The following NCOA6 variants were observed in gnomAD, a reference collection of about 807,000 sequenced individuals.
NCOA6 encodes the protein NRC RAP250.
NCOA6 carries 49 observed loss-of-function variants against 171.4 expected under a neutral mutation model. The ratio of observed to expected loss-of-function variants is 0.29; its 90% CI spans 0.23 to 0.36. NCOA6 has a LOEUF of 0.36. Among genes scored for constraint, NCOA6 ranks in the 10% least tolerant of loss-of-function variants. NCOA6 has a pLI of 1.00. For missense variants in NCOA6, 2,248 were observed against 2,554.5 expected, an observed-to-expected ratio of 0.88 and a Z score of 2.59; for synonymous variants, 910 against 927.5, an observed-to-expected ratio of 0.98 and a Z score of 0.34.
intron 2 of NCOA6, among the ~76,000 whole-genome samples, chr20:34,783,499 C>G (rs1179026608): frequency 6.6e-6 from 1 of 151,910 alleles, no homozygotes; most frequent in Non-Finnish European, 1.5e-5. Context: ...ATACTTAACC[C>G]AAAAGTAAAT....
rs1347669282 is a variant in NCOA6, at chr20:34,727,313, T to C, written c.6094A>G (p.Asn2032Asp). 3 of 1,614,164 alleles carry C rather than the reference T, an allele frequency of 1.9e-6. No homozygotes were observed. Among genetic ancestry groups the C allele is most frequent in the Admixed American group, 1.7e-5 (1 of 60,014 alleles). Residue 2032 changes from asparagine to aspartate, a missense_variant, in exon 14 of 15, where the codon AAT (asparagine) becomes GAT (aspartate). By Grantham distance (23) the Asn-to-Asp change is conservative. Transcript: ENST00000359003. ...CGAGAAGATCGTTTACGATGTCCAT[T>C]TTCCACACTTTCAGAGGCCACAGTT... Reference protein sequence around the residue: ...EPTVASESVENGHRKRSSRPA... With the variant: ...EPTVASESVEDGHRKRSSRPA...
At chr20:34,820,883 A>C (rs1243964821) in intron 1 of NCOA6, 3 of 152,248 alleles carry the variant, frequency 2.0e-5, no homozygotes, top group Non-Finnish European at 4.4e-5. Flanking sequence ...CTTTTGTAAA[A>C]GACAACCCAA....
At chr20:34,723,895 T>G (rs1455891032) in intron 14 of NCOA6, among the ~76,000 whole-genome samples, 5 of 152,174 alleles carry the variant, frequency 3.3e-5, no homozygotes, top group Admixed American at 2.0e-4. Flanking sequence ...ATCTGGTGTG[T>G]GACATCTCTA....
intron 4 of NCOA6, among the ~76,000 whole-genome samples, chr20:34,774,867 G>A (rs903889450): frequency 6.6e-6 from 1 of 152,178 alleles, no homozygotes; most frequent in Admixed American, 6.5e-5. Context: ...TATAGTCTAT[G>A]GGGATAAAAC....
Position 34,785,203 on chromosome 20 carries a change from T to C in NCOA6, c.-49-2799A>G, listed in dbSNP as rs543015901. The stretch of plus-strand genomic sequence containing the variant: ...AAAATTCTTCTGTTATAAGTAAATA[T>C]GGCAAAAATACTTCCAAATTTGAGC... On this transcript the variant is annotated intron_variant, in intron 2 of 14. Coordinates refer to ENST00000359003, the MANE Select transcript of NCOA6 (RefSeq NM_014071.5). Among the ~76,000 whole-genome samples, 8 of 152,248 alleles carry C rather than the reference T, an allele frequency of 5.3e-5. 1 individual carries two copies. The highest frequency in any genetic ancestry group is 5.2e-4 in the Admixed American group (8 of 15,298).
intron 14 of NCOA6, among the ~76,000 whole-genome samples, chr20:34,719,609 C>T (rs1465721756): frequency 2.7e-5 from 4 of 148,778 alleles, no homozygotes; most frequent in Non-Finnish European, 5.9e-5. Flanking sequence ...CCAGCCTGGG[C>T]GACAATCCGA....
At chr20:34,798,018 CTTTT>C (rs2078137689) in intron 1 of NCOA6, among the ~76,000 whole-genome samples, 1 of 152,046 alleles carries the variant, frequency 6.6e-6, no homozygotes, top group South Asian at 2.1e-4. Flanking sequence ...ATTCTTTTTT[CTTTT>C]GTTTCCTCTG....
chr20:34,761,392 T>C (rs1051534036), intron 5 of NCOA6, among the ~76,000 whole-genome samples: 3 of 152,168 alleles, frequency 2.0e-5, no homozygotes, highest in Non-Finnish European at 2.9e-5. Flanking sequence ...TTGTCTAATT[T>C]CCATCAGGAT....
rs778712600 is a variant in NCOA6 at position 34,743,082 on chromosome 20, C to T, written c.3174G>A (p.Arg1058=). The change falls in exon 11 of 15, where the codon AGG becomes AGA. Residue 1058 remains arginine (R), a synonymous_variant. Transcript: ENST00000359003. ...LPVSQNVHPP[R]GPLNPDSQRM... is the part of the protein sequence containing the mutation. ...TCTGGGAGTCGGGGTTCAGGGGGCC[C>T]CTTGGAGGATGGACATTTTGAGAGA... 1.2e-6 allele frequency: 2 copies of T among 1,613,378 alleles called. No individual in the cohort carries two copies. The highest frequency in any genetic ancestry group is 2.2e-5 in the South Asian group (2 of 90,990).
At chr20:34,766,559 A>T (rs1348384045) in intron 5 of NCOA6, among the ~76,000 whole-genome samples, 1 of 152,176 alleles carries the variant, frequency 6.6e-6, no homozygotes, top group East Asian at 1.9e-4. Context: ...CCTGTCTCAA[A>T]AAAAAAGCAC....
At chr20:34,725,818 T>C (rs183263102) in intron 14 of NCOA6, among the ~76,000 whole-genome samples, 1 of 151,922 alleles carries the variant, frequency 6.6e-6, no homozygotes, top group Non-Finnish European at 1.5e-5. Context: ...AATCACAAGT[T>C]TGGTTTTAGA....
intron 11 of NCOA6, 58 bp downstream of exon 11, chr20:34,740,305 G>T (rs1467206294): frequency 6.5e-7 from 1 of 1,543,646 alleles, no homozygotes; most frequent in African/African-American, 1.4e-5. Context: ...GCTTTCTCTT[G>T]TGGGATTAGG....
chr20:34,757,147 T>C, intron 7 of NCOA6, 73 bp downstream of exon 7: 1 of 1,429,104 alleles, frequency 7.0e-7, no homozygotes, highest in Non-Finnish European at 9.4e-7. Flanking sequence ...CTCCATTAAC[T>C]CTAAAAACTG....
intron 1 of NCOA6, chr20:34,820,028 C>A (rs1030952424): frequency 6.6e-6 from 1 of 152,284 alleles, no homozygotes; most frequent in African/African-American, 2.4e-5. Context: ...CGACCTTACA[C>A]TACACATAAG....
chr20:34,805,685 CT>C (rs896675332), intron 1 of NCOA6, among the ~76,000 whole-genome samples: 286 of 141,026 alleles, frequency 2.0e-3, no homozygotes, highest in Middle Eastern at 3.7e-3. Flanking sequence ...CTCTTCTTAG[CT>C]TTTTTTTTTT....
At chr20:34,732,707 A>C (rs1347085245) in intron 12 of NCOA6, 112 bp from the exon 13 acceptor site, 2 of 846,176 alleles carry the variant, frequency 2.4e-6, no homozygotes, top group African/African-American at 3.4e-5. Context: ...CCCTGTGCCC[A>C]GCAGGATTCT....
rs1287475391 is a variant in NCOA6 at position 34,758,157 on chromosome 20, T to TA, written c.644-54dup. ...AATTAACCTACTGCAATCTAGATCTTAGAGAAGTGGCCTTTGTAATTCTGG... is the reference window on the plus strand; with the variant it reads ...AATTAACCTACTGCAATCTAGATCTTAAGAGAAGTGGCCTTTGTAATTCTGG... On this transcript the variant is annotated intron_variant, in intron 6 of 14. Transcript: ENST00000359003. 14 of 1,543,894 alleles carry TA rather than the reference T, an allele frequency of 9.1e-6. No homozygotes were observed. In the Middle Eastern group the frequency reaches 6.0e-4, roughly 66 times the overall value.
At chr20:34,787,711 G>A (rs1323705753) in intron 2 of NCOA6, among the ~76,000 whole-genome samples, 2 of 152,188 alleles carry the variant, frequency 1.3e-5, no homozygotes, top group Non-Finnish European at 2.9e-5. Flanking sequence ...TCGCCCAGGA[G>A]AACTTAAGGG....
At position 34,742,952 on chromosome 20, in the gene NCOA6, TCACAGG is replaced by T; in HGVS notation, c.3298_3303del (p.Pro1100_Val1101del). ...CTTGAATTGCTTCCCAAGGGAGTAT[TCACAGG>T]CATTGGCATTCTTTGTTTATCAGGT... On this transcript the variant is annotated inframe_deletion, in exon 11 of 15. Coordinates refer to ENST00000359003, the MANE Select transcript of NCOA6 (RefSeq NM_014071.5). The T allele has an allele frequency of 6.2e-7, 1 of 1,614,104 alleles. No individual in the cohort carries two copies. Among genetic ancestry groups the T allele is most frequent in the Non-Finnish European group, 8.5e-7 (1 of 1,179,962 alleles).
Sources: gnomAD v4.1 joint callset for allele counts (sites outside exome capture counted in the v4.1 genomes callset) on GRCh38, gnomAD v4.1.1 for gene constraint, MANE v1.5 for transcripts, NCBI Gene and HGNC (gene_info 2026-07-23, HGNC 2026-07-21) for gene names.